SYT1: variants seen among roughly 807,000 people sequenced by gnomAD.
SYT1 encodes the protein synaptotagmin 1.
A neutral mutation model predicts 44.8 loss-of-function variants in SYT1; 8 were observed. That is an observed-to-expected ratio of 0.18 (90% CI 0.10 to 0.32). The LOEUF (loss-of-function observed/expected upper bound fraction) is 0.32. SYT1 is among the 10% of genes least tolerant of loss of function. The probability of loss-of-function intolerance (pLI) is 1.00; values close to 1 mark genes in which losing one functional copy is unlikely to be tolerated. For missense variants in SYT1, 286 were observed against 509.3 expected, an observed-to-expected ratio of 0.56 and a Z score of 4.22; for synonymous variants, 154 against 188.8, an observed-to-expected ratio of 0.82 and a Z score of 1.51.
chr12:79,432,187 T>C (rs1869830602), intron 9 of SYT1, among the ~76,000 whole-genome samples: 1 of 151,954 alleles, frequency 6.6e-6, no homozygotes, highest in African/African-American at 2.4e-5. Context: ...ATATTATAGA[T>C]CTTAAAAAAA....
rs183534728 is a variant in SYT1, at chr12:79,370,874, A to G, written c.928+17255A>G. On this transcript the variant is annotated intron_variant, in intron 9 of 10. Coordinates refer to ENST00000261205, the MANE Select transcript of SYT1 (RefSeq NM_005639.3). Reference sequence around the variant, plus strand: ...GGAATTAACCTATTAAATCCCTCCAATCTTCTAAAGTTTCATTTTAAAACT... The same window carrying G: ...GGAATTAACCTATTAAATCCCTCCAGTCTTCTAAAGTTTCATTTTAAAACT... Among the ~76,000 whole-genome samples the G allele has an allele frequency of 7.6e-4, 116 of 152,238 alleles. 1 individual carries two copies. The highest frequency in any genetic ancestry group is 2.7e-3 in the African/African-American group (113 of 41,564).
intron 3 of SYT1, among the ~76,000 whole-genome samples, chr12:79,202,318 C>T (rs1328082149): frequency 6.6e-6 from 1 of 152,154 alleles, no homozygotes. Context: ...TGTTCAATGT[C>T]ATGTTCCAAT....
chr12:79,174,375 T>G (rs980060005), intron 3 of SYT1, among the ~76,000 whole-genome samples: 1 of 151,750 alleles, frequency 6.6e-6, no homozygotes, highest in South Asian at 2.1e-4. Context: ...TGGTATTGGC[T>G]GATAAATAAT....
At chr12:79,340,612 A>G (rs1882324333) in intron 8 of SYT1, among the ~76,000 whole-genome samples, 1 of 152,234 alleles carries the variant, frequency 6.6e-6, no homozygotes, top group Admixed American at 6.5e-5. Context: ...GTCATCTGCA[A>G]ACAGGGACAA....
chr12:79,303,956 A>G (rs1368429213), intron 8 of SYT1, among the ~76,000 whole-genome samples: 1 of 152,218 alleles, frequency 6.6e-6, no homozygotes, highest in East Asian at 1.9e-4. Flanking sequence ...CTGATTGGAA[A>G]TCCTTATAAA....
intron 3 of SYT1, among the ~76,000 whole-genome samples, chr12:79,121,990 CA>C (rs1332192965): frequency 6.6e-6 from 1 of 152,160 alleles, no homozygotes; most frequent in East Asian, 1.9e-4. Flanking sequence ...TGAATTTAAC[CA>C]CACAGATTAA....
intron 8 of SYT1, among the ~76,000 whole-genome samples, chr12:79,305,085 G>A (rs1434533175): frequency 6.6e-6 from 1 of 152,084 alleles, no homozygotes; most frequent in Non-Finnish European, 1.5e-5. Context: ...AACATGATAG[G>A]AAAAAGCAAA....
At chr12:79,020,260 C>A (rs1872101236) in intron 2 of SYT1, among the ~76,000 whole-genome samples, 1 of 151,888 alleles carries the variant, frequency 6.6e-6, no homozygotes, top group Non-Finnish European at 1.5e-5. Context: ...GTTTAACCAG[C>A]AGCATGTTGC....
chr12:79,361,802 G>A (rs1162446480), intron 9 of SYT1, among the ~76,000 whole-genome samples: 1 of 152,190 alleles, frequency 6.6e-6, no homozygotes, highest in Non-Finnish European at 1.5e-5. Context: ...GCCGAACATG[G>A]TAGAAGAGAG....
intron 1 of SYT1, among the ~76,000 whole-genome samples, chr12:78,898,850 C>A (rs150563987): frequency 2.0e-5 from 3 of 152,040 alleles, no homozygotes; most frequent in South Asian, 2.1e-4. Context: ...TTTTAACATG[C>A]GTGCATTTGA....
intron 2 of SYT1, chr12:79,036,663 T>C (rs1873155759): frequency 2.6e-5 from 4 of 151,852 alleles, no homozygotes; most frequent in Admixed American, 2.0e-4. Context: ...ACAAAAACCA[T>C]AAATTACCTT....
intron 4 of SYT1, among the ~76,000 whole-genome samples, chr12:79,227,508 A>T (rs1875593448): frequency 6.6e-6 from 1 of 152,070 alleles, no homozygotes; most frequent in African/African-American, 2.4e-5. Context: ...CCAGAACTTG[A>T]CTCTTAGTCC....
chr12:79,376,181 G>C lies in SYT1; in HGVS notation c.928+22562G>C, dbSNP rs545815217. Among the ~76,000 whole-genome samples the C allele has an allele frequency of 1.6e-4, 25 of 152,260 alleles. 1 individual carries two copies. The South Asian group carries it at 5.2e-3, about 32-fold the overall frequency. On this transcript the variant is annotated intron_variant, in intron 9 of 10. Transcript: ENST00000261205. ...ATCCAGACCCCAAGAGAGGGTTCTT[G>C]GATCTTGTGCAAGGAGGAATTCAGG... is the stretch of plus-strand genomic sequence containing the variant.
chr12:79,034,561 G>A (rs910157450), intron 2 of SYT1, among the ~76,000 whole-genome samples: 2 of 151,702 alleles, frequency 1.3e-5, no homozygotes, highest in Non-Finnish European at 3.0e-5. Flanking sequence ...TTGCTCATAT[G>A]TAAATAGAGA....
chr12:79,032,097 A>G (rs1365839558), intron 2 of SYT1, among the ~76,000 whole-genome samples: 3 of 151,128 alleles, frequency 2.0e-5, no homozygotes, highest in African/African-American at 7.3e-5. Context: ...TAGCTCCATG[A>G]TTCAACTGTA....
At chr12:79,175,366 G>A (rs1034531095) in intron 3 of SYT1, among the ~76,000 whole-genome samples, 1 of 151,942 alleles carries the variant, frequency 6.6e-6, no homozygotes, top group Admixed American at 6.6e-5. Flanking sequence ...GACTTCACTC[G>A]TATTTAGTCT....
At chr12:79,286,006 T>C in intron 5 of SYT1, 35 bp downstream of exon 5, 2 of 1,563,622 alleles carry the variant, frequency 1.3e-6, no homozygotes, top group Non-Finnish European at 8.6e-7. Context: ...TCTTATTTTG[T>C]TTAAAAAAGA....
At chr12:79,431,934 C>G (rs1869816724) in intron 9 of SYT1, among the ~76,000 whole-genome samples, 3 of 152,162 alleles carry the variant, frequency 2.0e-5, no homozygotes, top group Admixed American at 1.3e-4. Flanking sequence ...AAGTTGATCT[C>G]TCCCTCAAAG....
At chr12:79,304,488 G>T (rs1234494712) in intron 8 of SYT1, among the ~76,000 whole-genome samples, 1 of 152,096 alleles carries the variant, frequency 6.6e-6, no homozygotes, top group Non-Finnish European at 1.5e-5. Context: ...TTTGTTTTTG[G>T]TTTTGAAAAT....
Sources: allele counts gnomAD v4.1 joint callset (sites outside exome capture counted in the v4.1 genomes callset), GRCh38; gene constraint gnomAD v4.1.1; transcripts MANE v1.5; gene names NCBI Gene and HGNC (gene_info 2026-07-23, HGNC 2026-07-21).